The following RGCC variants were observed in gnomAD, a reference collection of about 807,000 sequenced individuals.
RGCC encodes the protein regulator of cell cycle.
RGCC carries 15 observed loss-of-function variants against 15.4 expected under a neutral mutation model. The observed-to-expected ratio is 0.97, with a 90% CI of 0.65 to 1.50. The LOEUF (loss-of-function observed/expected upper bound fraction) is 1.50, where lower values mean the gene tolerates loss of function less well. Ranked by LOEUF, RGCC falls within the 40% of genes most tolerant of loss-of-function variation. The pLI is 0.00. For missense variants in RGCC, 176 were observed against 189.7 expected (o/e 0.93, Z 0.42); for synonymous variants, 81 against 78.0 (o/e 1.04, Z -0.20).
rs2043805839 is a variant in RGCC, at chr13:41,458,554, T to G, written c.235+84T>G. On this transcript the variant is annotated intron_variant, in intron 2 of 4. Coordinates refer to ENST00000379359, the MANE Select transcript of RGCC (RefSeq NM_014059.3). The surrounding 1 kb of genome is among the most constrained non-coding windows in gnomAD (Gnocchi z 4.4). ...GCGAAGGCTGCGGCCTCAGTTTTCTTATCAGTAAACTGAGGAATGGTTTCC... is the reference window on the plus strand; with the variant it reads ...GCGAAGGCTGCGGCCTCAGTTTTCTGATCAGTAAACTGAGGAATGGTTTCC... 1.5e-6 allele frequency: 2 copies of G among 1,374,728 alleles called. No individual in the cohort carries two copies. The highest frequency in any genetic ancestry group is 9.8e-7 in the Non-Finnish European group (1 of 1,022,500). The allele number at this position is 1,374,728 out of a possible 1,614,324, so 85.2% of individuals were successfully genotyped here.
In RGCC at chr13:41,467,689, A is replaced by T. The variant is rs78723704; in HGVS notation, c.343+759A>T. 4.0e-3 allele frequency among the ~76,000 whole-genome samples: 607 copies of T among 152,364 alleles called. 6 individuals are homozygous for T. The highest frequency in any genetic ancestry group is 0.013 in the African/African-American group (543 of 41,580). ...TCACTCTTTTCACTTTGGCAATAAGACAGGACTTCACTCTTTTTTCAGAAG... is the reference window on the plus strand; with the variant it reads ...TCACTCTTTTCACTTTGGCAATAAGTCAGGACTTCACTCTTTTTTCAGAAG... On this transcript the variant is annotated intron_variant, in intron 3 of 4. Coordinates refer to ENST00000379359, the MANE Select transcript of RGCC (RefSeq NM_014059.3).
chr13:41,468,626 A>G, intron 3 of RGCC, 150 bp from the exon 4 acceptor site: 1 of 668,896 alleles, frequency 1.5e-6, no homozygotes, highest in Non-Finnish European at 2.6e-6. Context: ...AAGTCTCTGA[A>G]GATAAGGAGG....
Position 41,469,674 on chromosome 13 carries a change from G to A in RGCC, c.407-804G>A, listed in dbSNP as rs552000374. On this transcript the variant is annotated intron_variant, in intron 4 of 4. Coordinates refer to ENST00000379359, the MANE Select transcript of RGCC (RefSeq NM_014059.3). ...AATTGGCTTGTGGGGCCTTTCACCA[G>A]AGACCCATGCCAGTGACTGAATGAC... Among the ~76,000 whole-genome samples, 6 of 152,286 alleles carry A rather than the reference G, an allele frequency of 3.9e-5. No homozygotes were observed. The South Asian group carries it at 1.2e-3, about 32-fold the overall frequency.
intron 2 of RGCC, among the ~76,000 whole-genome samples, chr13:41,459,928 C>G (rs2043812802): frequency 6.6e-6 from 1 of 152,224 alleles, no homozygotes; most frequent in Admixed American, 6.5e-5. Context: ...CCTCACTCTA[C>G]TAGAATAGGT....
intron 4 of RGCC, among the ~76,000 whole-genome samples, chr13:41,469,060 G>A (rs1042079319): frequency 2.0e-5 from 3 of 152,072 alleles, no homozygotes; most frequent in Non-Finnish European, 4.4e-5. Context: ...AGGAATTCAA[G>A]TCCAGCCTGG....
chr13:41,458,353 G>T lies in RGCC; in HGVS notation c.118G>T (p.Ala40Ser). The change falls in exon 2 of 5, where the codon GCC becomes TCC. Residue 40 changes from alanine to serine, a missense_variant. Physicochemically the swap from Ala to Ser is moderately conservative, Grantham distance 99 (BLOSUM62 1). Coordinates refer to ENST00000379359, the MANE Select transcript of RGCC (RefSeq NM_014059.3). This position sits in a 1 kb window ranked among gnomAD's most constrained non-coding sequence, Gnocchi z 4.4. ...GCTGTGCGAGTTTGACGCGGTGCTG[G>T]CCGACTTCGCGTCGCCCTTCCACGA... is the stretch of plus-strand genomic sequence containing the variant. ...DALCEFDAVL[A>S]DFASPFHERH... 6.3e-7 allele frequency: 1 copy of T among 1,592,212 alleles called. No individual in the cohort carries two copies.
rs934608033 is a variant in RGCC, at chr13:41,457,764, C to A, written c.49+8C>A. ...CGGCCGCCGCGGCCGCAGGTGAGTG[C>A]GGGGTCCGGGGTCCCCTTAAAGTCT... On this transcript the variant is annotated splice_region_variant and intron_variant, in intron 1 of 4. Coordinates refer to ENST00000379359, the MANE Select transcript of RGCC (RefSeq NM_014059.3). The surrounding 1 kb of genome is among the most constrained non-coding windows in gnomAD (Gnocchi z 4.9). 2 of 1,380,972 alleles carry A rather than the reference C, an allele frequency of 1.4e-6. No individual in the cohort carries two copies. Among genetic ancestry groups the A allele is most frequent in the African/African-American group, 3.1e-5 (2 of 65,078 alleles). The allele number at this position is 1,380,972 out of a possible 1,614,324, so 85.5% of individuals were successfully genotyped here.
rs2043870279 is a variant in RGCC, at chr13:41,470,401, C to T, written c.407-77C>T. ...TTGAGTTTGGTGCTTTGATGCACGT[C>T]TGAGACAGTGTGATGTGGTTAAGCA... On this transcript the variant is annotated intron_variant, in intron 4 of 4. Coordinates refer to ENST00000379359, the MANE Select transcript of RGCC (RefSeq NM_014059.3). 3 of 1,450,426 alleles carry T rather than the reference C, an allele frequency of 2.1e-6. No individual in the cohort carries two copies. In the African/African-American group the frequency reaches 4.2e-5, roughly 20 times the overall value. The allele number at this position is 1,450,426 out of a possible 1,614,324, so 89.8% of individuals were successfully genotyped here.
Position 41,458,147 on chromosome 13 carries a change from G to A in RGCC, c.50-138G>A, listed in dbSNP as rs1261831104. 3 of 702,570 alleles carry A rather than the reference G, an allele frequency of 4.3e-6. No individual in the cohort carries two copies. Among genetic ancestry groups the A allele is most frequent in the Non-Finnish European group, 7.0e-6 (3 of 430,674 alleles). The allele number at this position is 702,570 out of a possible 1,614,324, so 43.5% of individuals were successfully genotyped here. ...TGGTGGAGAAGATTACAAGGTAACA[G>A]CGACTGCGTGGCTGTCACTTGGCAG... On this transcript the variant is annotated intron_variant, in intron 1 of 4. Transcript: ENST00000379359. This position sits in a 1 kb window ranked among gnomAD's most constrained non-coding sequence, Gnocchi z 4.4.
intron 4 of RGCC, among the ~76,000 whole-genome samples, chr13:41,469,295 T>TAATAATAATAATAATAAGAAGAAGAAG (rs869157194): frequency 1.2e-5 from 1 of 86,726 alleles, no homozygotes; most frequent in African/African-American, 3.7e-5. Flanking sequence ...ATAATAATAA[T>TAATAATAATAATAATAAGAAGAAGAAG]AAGAAGAAGA....
chr13:41,469,292 T>TAAG lies in RGCC; in HGVS notation c.406+456_406+457insGAA, dbSNP rs1440435520. ...ATAATAATAATAATAATAATAATAA[T>TAAG]AATAAGAAGAAGAAGAAGAAGAAGA... On this transcript the variant is annotated intron_variant, in intron 4 of 4. Coordinates refer to ENST00000379359, the MANE Select transcript of RGCC (RefSeq NM_014059.3). Among the ~76,000 whole-genome samples, 350 of 82,050 alleles carry TAAG rather than the reference T, an allele frequency of 4.3e-3. 2 individuals are homozygous for TAAG. Among genetic ancestry groups the TAAG allele is most frequent in the East Asian group, 0.011 (34 of 3,164 alleles). The allele number at this position is 82,050 out of a possible 152,430, so 53.8% of individuals were successfully genotyped here.
intron 3 of RGCC, among the ~76,000 whole-genome samples, chr13:41,467,643 T>G (rs574820425): frequency 1.3e-5 from 2 of 152,368 alleles, no homozygotes; most frequent in East Asian, 3.9e-4. Flanking sequence ...GGAACATAGT[T>G]AAAAAGAAAT....
chr13:41,457,842 A>G lies in RGCC; in HGVS notation c.49+86A>G. 1 of 1,330,684 alleles carries G rather than the reference A, an allele frequency of 7.5e-7. No individual in the cohort carries two copies. The highest frequency in any genetic ancestry group is 9.6e-7 in the Non-Finnish European group (1 of 1,038,154). The allele number at this position is 1,330,684 out of a possible 1,614,324, so 82.4% of individuals were successfully genotyped here. On this transcript the variant is annotated intron_variant, in intron 1 of 4. Transcript: ENST00000379359. This position sits in a 1 kb window ranked among gnomAD's most constrained non-coding sequence, Gnocchi z 4.9. ...GAGGGGCCCCGTGTCGTCCCTTCAC[A>G]CCCCCCACCCTTCCATCCTCCCCGG...
At chr13:41,462,962 C>G (rs893331614) in intron 2 of RGCC, among the ~76,000 whole-genome samples, 3 of 152,150 alleles carry the variant, frequency 2.0e-5, no homozygotes, top group African/African-American at 7.2e-5. Flanking sequence ...TGTTGCTGCT[C>G]TCTCTCAAGA....
intron 2 of RGCC, among the ~76,000 whole-genome samples, chr13:41,464,478 A>T (rs965672432): frequency 1.3e-5 from 2 of 152,052 alleles, no homozygotes; most frequent in Admixed American, 6.5e-5. Flanking sequence ...GGCTCGGTTG[A>T]GGGAGCCAGC....
At chr13:41,464,976 C>G (rs749500651) in intron 2 of RGCC, among the ~76,000 whole-genome samples, 4 of 152,082 alleles carry the variant, frequency 2.6e-5, no homozygotes, top group Non-Finnish European at 5.9e-5. Flanking sequence ...GGAAAGGGAG[C>G]CAGGTGAGGC....
At chr13:41,459,386 A>G (rs966105467) in intron 2 of RGCC, among the ~76,000 whole-genome samples, 1 of 152,262 alleles carries the variant, frequency 6.6e-6, no homozygotes, top group African/African-American at 2.4e-5. Flanking sequence ...GATGGGTTAC[A>G]GGCATGAATG....
chr13:41,457,593 A>C lies in RGCC; in HGVS notation c.-115A>C. On this transcript the variant is annotated 5_prime_UTR_variant, in exon 1 of 5. Transcript: ENST00000379359. The surrounding 1 kb of genome is among the most constrained non-coding windows in gnomAD (Gnocchi z 4.9). ...GCTGGGAGCGGCGCGGCTGGAGCGCAGCGCCGAAGGGACTGGCAGGGCTGA... is the reference window on the plus strand; with the variant it reads ...GCTGGGAGCGGCGCGGCTGGAGCGCCGCGCCGAAGGGACTGGCAGGGCTGA... 7.0e-7 allele frequency: 1 copy of C among 1,422,242 alleles called. No individual in the cohort carries two copies. Among genetic ancestry groups the C allele is most frequent in the East Asian group, 3.1e-5 (1 of 31,918 alleles). 88.1% of individuals were successfully genotyped at this position (1,422,242 alleles called of 1,614,324 possible).
At chr13:41,462,873 T>C (rs1392956257) in intron 2 of RGCC, among the ~76,000 whole-genome samples, 1 of 152,166 alleles carries the variant, frequency 6.6e-6, no homozygotes, top group Non-Finnish European at 1.5e-5. Flanking sequence ...GGTCTAGAGC[T>C]TGGGGTACCT....
Sources: allele counts gnomAD v4.1 joint callset (sites outside exome capture counted in the v4.1 genomes callset), GRCh38; gene constraint gnomAD v4.1.1; non-coding constraint Gnocchi (gnomAD v3.1); transcripts MANE v1.5; gene names NCBI Gene and HGNC (gene_info 2026-07-23, HGNC 2026-07-21).